PANK3: variants seen among roughly 807,000 people sequenced by gnomAD.
PANK3 encodes the protein pantothenate kinase 3, also known as hPanK3.
A neutral mutation model predicts 39.4 loss-of-function variants in PANK3; 20 were observed. That is an observed-to-expected ratio of 0.51 (90% CI 0.36 to 0.74). PANK3 has a LOEUF of 0.74. Among genes scored for constraint, PANK3 ranks in the 30% least tolerant of loss-of-function variants. PANK3 has a pLI of 0.00. For missense variants in PANK3, 265 were observed against 437.0 expected (o/e 0.61, Z 3.51); for synonymous variants, 140 against 157.3 (o/e 0.89, Z 0.82).
rs368234880 is a variant in PANK3, at chr5:168,569,008, GAA to G, written c.29-12_29-11del. ...CCAAACCATGGGAAAGCTATGGGAGGAAAAAAAAAAAAAAAAAAAAAAATATA... is the reference window on the plus strand; with the variant it reads ...CCAAACCATGGGAAAGCTATGGGAGGAAAAAAAAAAAAAAAAAAAAATATA... On this transcript the variant is annotated splice_polypyrimidine_tract_variant and intron_variant, in intron 1 of 6. Transcript: ENST00000239231. The G allele has an allele frequency of 0.019, 1,717 of 90,828 alleles. 56 individuals carry two copies. Among genetic ancestry groups the G allele is most frequent in the African/African-American group, 0.04 (570 of 14,202 alleles). The allele number at this position is 90,828 out of a possible 1,614,324, so 5.6% of individuals were successfully genotyped here. A position where few individuals can be genotyped will look rare whatever the true frequency, so the allele number is the denominator to read the frequency against.
chr5:168,561,648 C>A (rs935110674), intron 4 of PANK3, 132 bp from the exon 5 acceptor site: 17 of 684,134 alleles, frequency 2.5e-5, no homozygotes, highest in Non-Finnish European at 3.6e-5. Context: ...GGGATAAGAT[C>A]AAAACAAACT....
rs77829248 is a variant in PANK3, at chr5:168,553,281, C to G, written c.*4290G>C. On this transcript the variant is annotated 3_prime_UTR_variant, in exon 7 of 7. Transcript: ENST00000239231. ...TAAAGGTACCCCAAAGGGGAGTAGG[C>G]GAGATCTCTCCAATGTACATGGGCA... 1 of 530,234 alleles carries G rather than the reference C, an allele frequency of 1.9e-6. No homozygotes were observed. The highest frequency in any genetic ancestry group is 3.8e-6 in the Non-Finnish European group (1 of 265,184). 32.8% of individuals were successfully genotyped at this position (530,234 alleles called of 1,614,324 possible).
At chr5:168,557,647 T>C (rs773261230) in intron 6 of PANK3, 26 bp from the exon 7 acceptor site, 22 of 1,594,650 alleles carry the variant, frequency 1.4e-5, no homozygotes, top group Middle Eastern at 3.3e-4. Flanking sequence ...ATAACTGTTA[T>C]GTAGTACAGC....
At position 168,551,294 on chromosome 5, in the gene PANK3, G is replaced by A. The variant is rs901381414; in HGVS notation, c.*6277C>T. 3.9e-5 allele frequency: 6 copies of A among 152,168 alleles called. No individual in the cohort carries two copies. Among genetic ancestry groups the A allele is most frequent in the Non-Finnish European group, 8.8e-5 (6 of 68,010 alleles). 9.4% of individuals were successfully genotyped at this position (152,168 alleles called of 1,614,324 possible). ...ACTTGATCATGGATACCTCATGGCA[G>A]ATCACTTTAAGTGAGGTCAGAGAGT... On this transcript the variant is annotated 3_prime_UTR_variant, in exon 7 of 7. Transcript: ENST00000239231.
intron 1 of PANK3, among the ~76,000 whole-genome samples, chr5:168,576,784 T>C (rs962496477): frequency 7.6e-5 from 5 of 66,162 alleles, no homozygotes; most frequent in African/African-American, 4.3e-4. Context: ...AATGTTTTAA[T>C]TATGCCAAAA....
chr5:168,552,687 A>C lies in PANK3; in HGVS notation c.*4884T>G, dbSNP rs975260648. Reference sequence around the variant, plus strand: ...ATACTCATCCTTTAATAACAAAGAAACAATCATGAGGACAGAACAAAACGC... The same window carrying C: ...ATACTCATCCTTTAATAACAAAGAACCAATCATGAGGACAGAACAAAACGC... On this transcript the variant is annotated 3_prime_UTR_variant, in exon 7 of 7. Coordinates refer to ENST00000239231, the MANE Select transcript of PANK3 (RefSeq NM_024594.4). 1 of 204,560 alleles carries C rather than the reference A, an allele frequency of 4.9e-6. No individual in the cohort carries two copies. Among genetic ancestry groups the C allele is most frequent in the African/African-American group, 2.3e-5 (1 of 42,920 alleles). The allele number at this position is 204,560 out of a possible 1,614,324, so 12.7% of individuals were successfully genotyped here. A position where few individuals can be genotyped will look rare whatever the true frequency, so the allele number is the denominator to read the frequency against.
intron 5 of PANK3, chr5:168,560,979 A>C (rs1246470452): frequency 1.4e-5 from 7 of 500,862 alleles, no homozygotes; most frequent in Non-Finnish European, 2.5e-5. Flanking sequence ...CAGTAAGAAA[A>C]CTTCCAAGAA....
intron 6 of PANK3, among the ~76,000 whole-genome samples, chr5:168,558,275 C>T (rs1365118367): frequency 6.6e-6 from 1 of 151,850 alleles, no homozygotes; most frequent in Non-Finnish European, 1.5e-5. Context: ...ATTCTCCTGC[C>T]TCAGCCTCCC....
intron 1 of PANK3, among the ~76,000 whole-genome samples, chr5:168,572,346 T>TTGTG (rs200218163): frequency 2.6e-5 from 4 of 151,166 alleles, no homozygotes; most frequent in East Asian, 1.9e-4. Context: ...TCTCCTAACC[T>TTGTG]TGTGTGTGTG....
At position 168,563,873 on chromosome 5, in the gene PANK3, CA is replaced by C; in HGVS notation, c.812+15del. On this transcript the variant is annotated intron_variant, in intron 4 of 6. Coordinates refer to ENST00000239231, the MANE Select transcript of PANK3 (RefSeq NM_024594.4). The stretch of plus-strand genomic sequence containing the variant: ...CTTAACTTCTGTAACTTAAATAACA[CA>C]AATGTTAAACTTACCTAGATGCTAC... 6.4e-7 allele frequency: 1 copy of C among 1,557,214 alleles called. No homozygotes were observed. Among genetic ancestry groups the C allele is most frequent in the African/African-American group, 1.4e-5 (1 of 72,288 alleles).
intron 4 of PANK3, among the ~76,000 whole-genome samples, chr5:168,562,182 C>T (rs1003963661): frequency 2.6e-5 from 4 of 152,068 alleles, no homozygotes; most frequent in African/African-American, 9.6e-5. Context: ...GCAAGAGAAG[C>T]GCTAACAGTA....
chr5:168,574,264 G>A (rs894525278), intron 1 of PANK3, among the ~76,000 whole-genome samples: 9 of 150,996 alleles, frequency 6.0e-5, no homozygotes, highest in Non-Finnish European at 1.0e-4. Context: ...TTCTCTGATG[G>A]CCAGTGATGG....
intron 5 of PANK3, chr5:168,560,966 G>C (rs760057865): frequency 2.6e-5 from 13 of 508,754 alleles, no homozygotes; most frequent in Admixed American, 2.2e-4. Context: ...AAGAAGCCGA[G>C]GGCAGTAAGA....
At chr5:168,561,021 G>A (rs534552237) in intron 5 of PANK3, 1 of 434,702 alleles carries the variant, frequency 2.3e-6, no homozygotes, top group East Asian at 6.0e-5. Context: ...TTAAGCACTG[G>A]TGGTATAGTG....
rs1759253758 is a variant in PANK3, at chr5:168,550,055, G to A, written c.*7516C>T. 6.6e-6 allele frequency: 1 copy of A among 152,104 alleles called. No homozygotes were observed. The highest frequency in any genetic ancestry group is 1.5e-5 in the Non-Finnish European group (1 of 68,026). The allele number at this position is 152,104 out of a possible 1,614,324, so 9.4% of individuals were successfully genotyped here. On this transcript the variant is annotated 3_prime_UTR_variant, in exon 7 of 7. Transcript: ENST00000239231. ...AACACAAACAGTCCGACTTAACAAT[G>A]GTTTGACTTATGGTTTTTCAACTTT... is the stretch of plus-strand genomic sequence containing the variant.
At position 168,553,036 on chromosome 5, in the gene PANK3, C is replaced by A; in HGVS notation, c.*4535G>T. The A allele has an allele frequency of 3.0e-6, 1 of 332,772 alleles. No homozygotes were observed. Among genetic ancestry groups the A allele is most frequent in the East Asian group, 7.5e-5 (1 of 13,304 alleles). The allele number at this position is 332,772 out of a possible 1,614,324, so 20.6% of individuals were successfully genotyped here. A position where few individuals can be genotyped will look rare whatever the true frequency, so the allele number is the denominator to read the frequency against. ...ATGTCCTGGGACACATCCTGAGTCC[C>A]CTACAATTGCTGAAGGATCTCATTA... is the stretch of plus-strand genomic sequence containing the variant. On this transcript the variant is annotated 3_prime_UTR_variant, in exon 7 of 7. Transcript: ENST00000239231.
At chr5:168,570,178 C>T in intron 1 of PANK3, among the ~76,000 whole-genome samples, 1 of 151,956 alleles carries the variant, frequency 6.6e-6, no homozygotes, top group East Asian at 1.9e-4. Context: ...GTCAGGAGAT[C>T]GAGACCTTCC....
Position 168,569,011 on chromosome 5 carries a change from A to T in PANK3, c.29-13T>A. 2.1e-5 allele frequency: 5 copies of T among 242,956 alleles called. No individual in the cohort carries two copies. The highest frequency in any genetic ancestry group is 1.1e-4 in the African/African-American group (2 of 17,952). 15.1% of individuals were successfully genotyped at this position (242,956 alleles called of 1,614,324 possible). ...AACCATGGGAAAGCTATGGGAGGAA[A>T]AAAAAAAAAAAAAAAAAAAATATAT... On this transcript the variant is annotated splice_polypyrimidine_tract_variant and intron_variant, in intron 1 of 6. Coordinates refer to ENST00000239231, the MANE Select transcript of PANK3 (RefSeq NM_024594.4).
At position 168,556,414 on chromosome 5, in the gene PANK3, C is replaced by T. The variant is rs1177554846; in HGVS notation, c.*1157G>A. 6.6e-6 allele frequency: 1 copy of T among 152,316 alleles called. No homozygotes were observed. The highest frequency in any genetic ancestry group is 1.9e-4 in the East Asian group (1 of 5,198). 9.4% of individuals were successfully genotyped at this position (152,316 alleles called of 1,614,324 possible). On this transcript the variant is annotated 3_prime_UTR_variant, in exon 7 of 7. Transcript: ENST00000239231. ...TGGACCTTGGTGACACTCAGCCTCT[C>T]TTCCCCTTTTCCTATGTTGCTCAAT...
Sources: allele counts gnomAD v4.1 joint callset (sites outside exome capture counted in the v4.1 genomes callset), GRCh38; gene constraint gnomAD v4.1.1; transcripts MANE v1.5; gene names NCBI Gene and HGNC (gene_info 2026-07-23, HGNC 2026-07-21).